Variants in NEBL observed in about 807,000 individuals in gnomAD.
The protein encoded by NEBL is LIM and SH3 protein 2.
A neutral mutation model predicts 140.2 loss-of-function variants in NEBL; 122 were observed. The observed-to-expected ratio is 0.87, with a 90% CI of 0.75 to 1.01. The LOEUF is 1.01. Among genes scored for constraint, NEBL ranks in the 50% least tolerant of loss-of-function variants. The pLI is 0.00. For missense variants in NEBL, 1,365 were observed against 1,231.3 expected, an observed-to-expected ratio of 1.11 and a Z score of -1.62; for synonymous variants, 436 against 398.9, an observed-to-expected ratio of 1.09 and a Z score of -1.11.
intron 14 of NEBL, among the ~76,000 whole-genome samples, chr10:20,834,124 A>G (rs930724323): frequency 6.6e-6 from 1 of 152,174 alleles, no homozygotes; most frequent in Non-Finnish European, 1.5e-5. Flanking sequence ...ATTTTTCTAT[A>G]AGAATGAGGT....
At position 20,869,094 on chromosome 10, in the gene NEBL, GC is replaced by G. The variant is rs572734302; in HGVS notation, c.583-330del. 4.3e-3 allele frequency among the ~76,000 whole-genome samples: 655 copies of G among 152,210 alleles called. 5 individuals are homozygous for G. Among genetic ancestry groups the G allele is most frequent in the Non-Finnish European group, 5.5e-3 (372 of 68,000 alleles). On this transcript the variant is annotated intron_variant, in intron 6 of 27. Transcript: ENST00000377122. The stretch of plus-strand genomic sequence containing the variant: ...AGACCCTGTACTCTCCATATAGGTA[GC>G]TTTTATAGTTTCGTTTATTCTCAGG...
At chr10:20,991,978 C>T (rs144113605) in intron 3 of NEBL, among the ~76,000 whole-genome samples, 49 of 151,900 alleles carry the variant, frequency 3.2e-4, no homozygotes, top group Admixed American at 5.2e-4. Flanking sequence ...TACCATTCCA[C>T]GGTGTATGTG....
chr10:20,936,515 T>C (rs1834495046), intron 4 of NEBL, among the ~76,000 whole-genome samples: 2 of 152,184 alleles, frequency 1.3e-5, no homozygotes, highest in South Asian at 4.1e-4. Flanking sequence ...CTGAATCACA[T>C]AATTAACTAT....
rs1477936838 is a variant in NEBL, at chr10:20,825,006, T to C, written c.1869+1441A>G. Among the ~76,000 whole-genome samples, 5 of 152,268 alleles carry C rather than the reference T, an allele frequency of 3.3e-5. No homozygotes were observed. The East Asian group carries it at 7.7e-4, about 24-fold the overall frequency. ...CACCATGAAAGATCAGAAGAACACA[T>C]TCATCCACTCTCATCCACACCTTAA... is the stretch of plus-strand genomic sequence containing the variant. On this transcript the variant is annotated intron_variant, in intron 18 of 27. Transcript: ENST00000377122.
chr10:20,825,046 T>C lies in NEBL; in HGVS notation c.1869+1401A>G, dbSNP rs917520003. Among the ~76,000 whole-genome samples the C allele has an allele frequency of 6.6e-5, 10 of 152,294 alleles. No individual in the cohort carries two copies. In the South Asian group the frequency reaches 1.5e-3, roughly 22 times the overall value. On this transcript the variant is annotated intron_variant, in intron 18 of 27. Coordinates refer to ENST00000377122, the MANE Select transcript of NEBL (RefSeq NM_006393.3). ...CCACACCTTAAGCCTAGGTCCTCCT[T>C]ACACTTTATTCAAGAGACAGCTCCA...
intron 3 of NEBL, among the ~76,000 whole-genome samples, chr10:21,227,130 C>T (rs941527383): frequency 7.9e-5 from 12 of 151,888 alleles, no homozygotes; most frequent in Non-Finnish European, 1.5e-4. Context: ...AAGCTTTTTT[C>T]CCCCCATTAA....
At chr10:21,257,828 T>C (rs1218514104) in intron 1 of NEBL, among the ~76,000 whole-genome samples, 1 of 151,606 alleles carries the variant, frequency 6.6e-6, no homozygotes, top group Non-Finnish European at 1.5e-5. Flanking sequence ...GAGCTTGCAG[T>C]GAGCCTGGAT....
At chr10:20,968,607 G>A (rs1836434939) in intron 3 of NEBL, among the ~76,000 whole-genome samples, 2 of 152,208 alleles carry the variant, frequency 1.3e-5, no homozygotes, top group African/African-American at 4.8e-5. Flanking sequence ...AGTGCAGTGA[G>A]AACTATGCAA....
intron 2 of NEBL, among the ~76,000 whole-genome samples, chr10:20,895,572 A>T (rs1847405223): frequency 6.6e-6 from 1 of 152,216 alleles, no homozygotes; most frequent in African/African-American, 2.4e-5. Flanking sequence ...TGTTGCCAAT[A>T]GTGTTATTGT....
intron 3 of NEBL, among the ~76,000 whole-genome samples, chr10:21,002,679 T>C (rs1443231355): frequency 2.0e-5 from 3 of 151,860 alleles, no homozygotes; most frequent in Non-Finnish European, 4.4e-5. Flanking sequence ...CCTCACACAA[T>C]GGAGTACGAA....
chr10:20,978,545 C>T (rs1836897393), intron 3 of NEBL, among the ~76,000 whole-genome samples: 1 of 151,870 alleles, frequency 6.6e-6, no homozygotes, highest in African/African-American at 2.4e-5. Flanking sequence ...TTGGTTGAGG[C>T]CAGGAGTTCG....
intron 4 of NEBL, among the ~76,000 whole-genome samples, chr10:20,941,916 C>A (rs960407453): frequency 4.6e-5 from 7 of 151,960 alleles, no homozygotes; most frequent in Non-Finnish European, 1.0e-4. Flanking sequence ...GAACTACAAA[C>A]CACTGCTCAA....
At chr10:20,869,930 CATA>C in intron 5 of NEBL, 89 bp from the exon 6 acceptor site, 2 of 905,050 alleles carry the variant, frequency 2.2e-6, no homozygotes, top group Non-Finnish European at 3.6e-6. Flanking sequence ...TATTTATTCT[CATA>C]ATAATAGCTT....
intron 2 of NEBL, chr10:21,125,895 A>G (rs548873764): frequency 1.2e-6 from 2 of 1,614,184 alleles, no homozygotes; most frequent in African/African-American, 1.3e-5. Context: ...ATTTAAATCC[A>G]TGCTTCCCTT....
At chr10:20,869,229 T>C (rs958071826) in intron 6 of NEBL, among the ~76,000 whole-genome samples, 1 of 152,194 alleles carries the variant, frequency 6.6e-6, no homozygotes, top group African/African-American at 2.4e-5. Flanking sequence ...TAAATCATCA[T>C]TTCCAACCAG....
intron 3 of NEBL, among the ~76,000 whole-genome samples, chr10:20,982,691 C>T (rs1837098160): frequency 6.6e-6 from 1 of 152,118 alleles, no homozygotes; most frequent in Non-Finnish European, 1.5e-5. Flanking sequence ...CTTAGCATAC[C>T]ATAGGTATTC....
At chr10:21,262,396 A>AG (rs1842750384) in intron 1 of NEBL, among the ~76,000 whole-genome samples, 1 of 152,220 alleles carries the variant, frequency 6.6e-6, no homozygotes, top group Non-Finnish European at 1.5e-5. Flanking sequence ...CCACTCGGCT[A>AG]GGGGGACCCA....
intron 2 of NEBL, among the ~76,000 whole-genome samples, chr10:21,027,595 GCTAGGATTACAGGCATAAGCCACCACAC>G (rs1396950187): frequency 2.0e-5 from 3 of 152,068 alleles, no homozygotes; most frequent in Non-Finnish European, 1.5e-5. Flanking sequence ...CTTCCAAAGT[GCTAGGATTACAGGCATAAGCCACCACAC>G]CTGGCCATAT....
chr10:21,151,415 T>C (rs1840132059), intron 2 of NEBL, among the ~76,000 whole-genome samples: 1 of 152,196 alleles, frequency 6.6e-6, no homozygotes, highest in African/African-American at 2.4e-5. Context: ...GGGATATCAT[T>C]ACAGTAAATA....
Sources: gnomAD v4.1 joint callset for allele counts (sites outside exome capture counted in the v4.1 genomes callset) on GRCh38, gnomAD v4.1.1 for gene constraint, MANE v1.5 for transcripts, NCBI Gene and HGNC (gene_info 2026-07-23, HGNC 2026-07-21) for gene names.